Variants in SIPA1L3 observed in about 807,000 individuals in gnomAD.
SIPA1L3 encodes signal induced proliferation associated 1 like 3.
SIPA1L3 carries 59 observed loss-of-function variants against 150.1 expected under a neutral mutation model. The observed-to-expected ratio is 0.39, with a 90% CI of 0.32 to 0.49. The LOEUF (loss-of-function observed/expected upper bound fraction) is 0.49. Ranked by LOEUF, SIPA1L3 falls within the 20% of genes least tolerant of loss-of-function variation. The probability of loss-of-function intolerance (pLI) is 0.86; values close to 1 mark genes in which losing one functional copy is unlikely to be tolerated. For synonymous variants in SIPA1L3, 1,070 were observed against 1,077.6 expected (o/e 0.99, Z 0.14); for missense variants, 2,211 against 2,489.5 (o/e 0.89, Z 2.38).
chr19:38,061,544 A>G (rs907130479), intron 2 of SIPA1L3, among the ~76,000 whole-genome samples: 7 of 152,050 alleles, frequency 4.6e-5, no homozygotes, highest in Non-Finnish European at 8.8e-5. Flanking sequence ...GAAGCCAGAA[A>G]TGTGCAGGGC....
intron 15 of SIPA1L3, among the ~76,000 whole-genome samples, chr19:38,180,349 G>A (rs1223904194): frequency 1.3e-5 from 2 of 151,818 alleles, no homozygotes; most frequent in East Asian, 1.9e-4. Flanking sequence ...TTTTATAGAA[G>A]TGGGGTCTCA....
chr19:38,091,534 A>G (rs1970258255), intron 4 of SIPA1L3, among the ~76,000 whole-genome samples: 1 of 152,228 alleles, frequency 6.6e-6, no homozygotes, highest in East Asian at 1.9e-4. Context: ...TTCTAGGGTG[A>G]AGACCCTGTT....
chr19:38,022,150 G>A (rs1297726389), intron 1 of SIPA1L3, among the ~76,000 whole-genome samples: 1 of 152,226 alleles, frequency 6.6e-6, no homozygotes, highest in African/African-American at 2.4e-5. Context: ...TCTACTTGCT[G>A]TGTGATCTTG....
At chr19:37,993,596 G>A (rs1166571077) in intron 1 of SIPA1L3, among the ~76,000 whole-genome samples, 1 of 152,116 alleles carries the variant, frequency 6.6e-6, no homozygotes, top group Non-Finnish European at 1.5e-5. Context: ...AGTGTAAATC[G>A]CAGATACGTT....
intron 1 of SIPA1L3, among the ~76,000 whole-genome samples, chr19:38,001,320 G>A (rs1164658114): frequency 6.6e-6 from 1 of 151,998 alleles, no homozygotes; most frequent in Admixed American, 6.6e-5. Context: ...CGCCTGCCCA[G>A]ACTTGTTCTA....
chr19:38,062,896 C>T (rs1196480600), intron 2 of SIPA1L3, among the ~76,000 whole-genome samples: 8 of 152,164 alleles, frequency 5.3e-5, no homozygotes, highest in Non-Finnish European at 1.5e-5. Context: ...GCTGGGATTA[C>T]GGCCTGCTCT....
At chr19:38,052,942 T>G (rs1969231080) in intron 2 of SIPA1L3, among the ~76,000 whole-genome samples, 2 of 152,202 alleles carry the variant, frequency 1.3e-5, no homozygotes, top group African/African-American at 2.4e-5. Flanking sequence ...GCCGGAGAGT[T>G]CTGGGTGCTG....
In SIPA1L3 at chr19:38,142,572, G is replaced by A; in HGVS notation, c.3396-1G>A. On this transcript the variant is annotated splice_acceptor_variant, in intron 11 of 21. Transcript: ENST00000222345. LOFTEE classifies it high-confidence loss of function. ...CTCCTTCCTCCCCTGTCTCCTTCTA[G>A]GCCTGTCAGCTTCCCAGAAACCCCT... The A allele has an allele frequency of 6.2e-7, 1 of 1,606,442 alleles. No individual in the cohort carries two copies. The highest frequency in any genetic ancestry group is 1.3e-5 in the African/African-American group (1 of 74,872).
intron 1 of SIPA1L3, among the ~76,000 whole-genome samples, chr19:37,981,426 A>G (rs1034239010): frequency 4.0e-5 from 6 of 151,124 alleles, no homozygotes; most frequent in African/African-American, 1.5e-4. Context: ...CTGTCTCAAA[A>G]AAAAAAAAAA....
intron 2 of SIPA1L3, among the ~76,000 whole-genome samples, chr19:38,048,115 G>A (rs1377881183): frequency 6.6e-6 from 1 of 152,062 alleles, no homozygotes; most frequent in Non-Finnish European, 1.5e-5. Context: ...TGCCTCTAAT[G>A]CCCCATTTCC....
At chr19:38,074,422 G>A (rs932183793) in intron 2 of SIPA1L3, among the ~76,000 whole-genome samples, 2 of 152,210 alleles carry the variant, frequency 1.3e-5, no homozygotes, top group Admixed American at 6.5e-5. Flanking sequence ...CCAGCCTTAA[G>A]TGTGGCCTCA....
intron 4 of SIPA1L3, among the ~76,000 whole-genome samples, chr19:38,098,392 ATTTT>A (rs71179411): frequency 4.4e-5 from 5 of 113,720 alleles, no homozygotes; most frequent in Non-Finnish European, 7.1e-5. Context: ...AGGGGCTTTC[ATTTT>A]TTTTTTTTTT....
intron 2 of SIPA1L3, among the ~76,000 whole-genome samples, chr19:38,048,571 G>A (rs150288090): frequency 2.9e-4 from 44 of 152,262 alleles, no homozygotes; most frequent in African/African-American, 9.4e-4. Flanking sequence ...ACTGGGTTCT[G>A]TTGTCTAGTA....
chr19:37,918,721 A>AG (rs1309677100), intron 1 of SIPA1L3, among the ~76,000 whole-genome samples: 4 of 151,720 alleles, frequency 2.6e-5, no homozygotes. Context: ...AATAGAAAAA[A>AG]TTAGCCAGGC....
At chr19:37,957,395 A>G (rs1568478854) in intron 1 of SIPA1L3, among the ~76,000 whole-genome samples, 2 of 152,152 alleles carry the variant, frequency 1.3e-5, no homozygotes, top group Non-Finnish European at 2.9e-5. Context: ...TTAGTCTTCC[A>G]GTTTGTGTAC....
chr19:38,165,023 A>C lies in SIPA1L3; in HGVS notation c.4208+117A>C, dbSNP rs1972180451. The C allele has an allele frequency of 7.0e-6, 7 of 993,014 alleles. No homozygotes were observed. The South Asian group carries it at 1.3e-4, about 18-fold the overall frequency. The allele number at this position is 993,014 out of a possible 1,614,324, so 61.5% of individuals were successfully genotyped here. A position where few individuals can be genotyped will look rare whatever the true frequency, so the allele number is the denominator to read the frequency against. On this transcript the variant is annotated intron_variant, in intron 15 of 21. Coordinates refer to ENST00000222345, the MANE Select transcript of SIPA1L3 (RefSeq NM_015073.3). ...AACACACTCACGGATGAATGCGCCT[A>C]GTCATTGGTTTGCTGACAGAATTGA...
In SIPA1L3 at chr19:38,053,615, G is replaced by T. The variant is rs540647913; in HGVS notation, c.-311+24459G>T. ...TGTGTCACCCAGGCTGGAGTGTAGT[G>T]GTGCAATCACAGCTCACTGCAGCTT... On this transcript the variant is annotated intron_variant, in intron 2 of 21. Transcript: ENST00000222345. Among the ~76,000 whole-genome samples, 13 of 152,046 alleles carry T rather than the reference G, an allele frequency of 8.6e-5. No homozygotes were observed. The South Asian group carries it at 2.7e-3, about 32-fold the overall frequency.
chr19:38,127,564 C>T (rs973442060), intron 9 of SIPA1L3, among the ~76,000 whole-genome samples: 10 of 152,132 alleles, frequency 6.6e-5, no homozygotes, highest in South Asian at 4.1e-4. Flanking sequence ...AGTCATCGCT[C>T]ACTGCAGTGT....
At chr19:38,113,255 A>T (rs1970807522) in intron 8 of SIPA1L3, among the ~76,000 whole-genome samples, 1 of 151,380 alleles carries the variant, frequency 6.6e-6, no homozygotes, top group Non-Finnish European at 1.5e-5. Context: ...TGAGCCTCTG[A>T]CACCCTCCAG....
Sources: allele counts gnomAD v4.1 joint callset (sites outside exome capture counted in the v4.1 genomes callset), GRCh38; gene constraint gnomAD v4.1.1; transcripts MANE v1.5; gene names NCBI Gene and HGNC (gene_info 2026-07-23, HGNC 2026-07-21).